The following LHFPL3 variants were observed in gnomAD, a reference collection of about 807,000 sequenced individuals.
LHFPL3 encodes the protein LHFPL tetraspan subfamily member 3, also known as LHFPL tetraspan subfamily member 3 protein.
In LHFPL3, 5 loss-of-function variants were observed where a neutral mutation model predicts 19.3. The observed-to-expected ratio is 0.26, with a 90% CI of 0.14 to 0.54. LHFPL3 has a LOEUF of 0.54. Ranked by LOEUF, LHFPL3 falls within the 20% of genes least tolerant of loss-of-function variation. The pLI is 0.94. For synonymous variants in LHFPL3, 133 were observed against 126.2 expected, an observed-to-expected ratio of 1.05 and a Z score of -0.36; for missense variants, 249 against 307.4, an observed-to-expected ratio of 0.81 and a Z score of 1.42.
chr7:104,792,479 G>A (rs1220434085), intron 2 of LHFPL3, among the ~76,000 whole-genome samples: 2 of 152,150 alleles, frequency 1.3e-5, no homozygotes, highest in Non-Finnish European at 2.9e-5. Flanking sequence ...TACCATCCAT[G>A]ACTAAATAGC....
At chr7:104,561,529 G>T (rs370842425) in intron 1 of LHFPL3, among the ~76,000 whole-genome samples, 10 of 151,022 alleles carry the variant, frequency 6.6e-5, no homozygotes, top group East Asian at 5.8e-4. Flanking sequence ...GTTTTCCATT[G>T]GCTTGGTAGA....
intron 1 of LHFPL3, among the ~76,000 whole-genome samples, chr7:104,429,305 T>A (rs1791906686): frequency 7.1e-6 from 1 of 141,000 alleles, no homozygotes; most frequent in South Asian, 2.3e-4. Context: ...TCATTCCTTT[T>A]TTTTTTTTTT....
At chr7:104,881,452 G>C (rs886940953) in intron 2 of LHFPL3, among the ~76,000 whole-genome samples, 1 of 152,218 alleles carries the variant, frequency 6.6e-6, no homozygotes, top group South Asian at 2.1e-4. Context: ...CGTGGAGGAA[G>C]TAATGCAGAT....
At chr7:104,460,241 A>G (rs904561636) in intron 1 of LHFPL3, among the ~76,000 whole-genome samples, 5 of 152,194 alleles carry the variant, frequency 3.3e-5, no homozygotes, top group East Asian at 1.9e-4. Context: ...TTCTTTATCC[A>G]TATGACCGTT....
chr7:104,845,492 G>A (rs1584572152), intron 2 of LHFPL3: 6 of 1,509,032 alleles, frequency 4.0e-6, no homozygotes, highest in African/African-American at 1.4e-5. Flanking sequence ...TTCTGTTCCC[G>A]CATGTTTTCT....
intron 2 of LHFPL3, among the ~76,000 whole-genome samples, chr7:104,882,952 T>C (rs937407633): frequency 2.0e-5 from 3 of 152,194 alleles, no homozygotes; most frequent in Non-Finnish European, 2.9e-5. Flanking sequence ...TGTAGAACTT[T>C]CAGTGCTAAA....
intron 1 of LHFPL3, among the ~76,000 whole-genome samples, chr7:104,532,622 TTCCTACACCTCATTAC>T (rs1794323071): frequency 6.6e-6 from 1 of 152,178 alleles, no homozygotes; most frequent in African/African-American, 2.4e-5. Flanking sequence ...GTACCCCATC[TTCCTACACCTCATTAC>T]TCTCTGTGGA....
chr7:104,836,993 A>G (rs999830801), intron 2 of LHFPL3, among the ~76,000 whole-genome samples: 1 of 152,208 alleles, frequency 6.6e-6, no homozygotes, highest in Non-Finnish European at 1.5e-5. Context: ...CTAATATTTC[A>G]TGGTGATGAA....
At chr7:104,524,421 A>G (rs1794143472) in intron 1 of LHFPL3, among the ~76,000 whole-genome samples, 1 of 152,164 alleles carries the variant, frequency 6.6e-6, no homozygotes, top group African/African-American at 2.4e-5. Context: ...TCCTAATTTT[A>G]TGGGGGCCAG....
At chr7:104,582,033 G>A (rs1022790657) in intron 1 of LHFPL3, among the ~76,000 whole-genome samples, 2 of 151,838 alleles carry the variant, frequency 1.3e-5, no homozygotes, top group Non-Finnish European at 2.9e-5. Flanking sequence ...ATTATTATTA[G>A]CATTGGATTG....
At chr7:104,419,971 C>CAAACA in intron 1 of LHFPL3, among the ~76,000 whole-genome samples, 1 of 151,550 alleles carries the variant, frequency 6.6e-6, no homozygotes, top group East Asian at 2.0e-4. Context: ...AACAAACAAA[C>CAAACA]AACAACAACA....
At chr7:104,485,990 T>C (rs1793228100) in intron 1 of LHFPL3, among the ~76,000 whole-genome samples, 1 of 152,240 alleles carries the variant, frequency 6.6e-6, no homozygotes, top group Non-Finnish European at 1.5e-5. Context: ...TCTTCAGTAA[T>C]CCTTTCAGGG....
chr7:104,586,389 TATC>T (rs1373135712), intron 1 of LHFPL3, among the ~76,000 whole-genome samples: 1 of 152,118 alleles, frequency 6.6e-6, no homozygotes, highest in Non-Finnish European at 1.5e-5. Flanking sequence ...TTCTCCCTGA[TATC>T]ATCTGTGTGC....
chr7:104,670,169 T>G (rs1159129654), intron 1 of LHFPL3, among the ~76,000 whole-genome samples: 4 of 146,346 alleles, frequency 2.7e-5, no homozygotes, highest in African/African-American at 5.1e-5. Flanking sequence ...CCCAAGGGGG[T>G]TAGTTGGGAG....
intron 1 of LHFPL3, among the ~76,000 whole-genome samples, chr7:104,344,687 G>C (rs1486699811): frequency 6.6e-6 from 1 of 152,118 alleles, no homozygotes. Context: ...ACTTAGGTTG[G>C]TTCCATAGCT....
At chr7:104,342,187 T>C (rs1789970929) in intron 1 of LHFPL3, among the ~76,000 whole-genome samples, 1 of 151,900 alleles carries the variant, frequency 6.6e-6, no homozygotes. Context: ...CACTGGATAA[T>C]TCAAAAGAAA....
At chr7:104,499,651 G>A (rs1184711844) in intron 1 of LHFPL3, among the ~76,000 whole-genome samples, 1 of 152,156 alleles carries the variant, frequency 6.6e-6, no homozygotes, top group South Asian at 2.1e-4. Context: ...CCTCCCCAAA[G>A]AGACCTAGTG....
chr7:104,868,845 C>T (rs958425606), intron 2 of LHFPL3, among the ~76,000 whole-genome samples: 2 of 152,146 alleles, frequency 1.3e-5, no homozygotes, highest in Non-Finnish European at 2.9e-5. Context: ...GCTACAGTAA[C>T]CAAAACAGCA....
At chr7:104,426,844 A>G (rs938415720) in intron 1 of LHFPL3, among the ~76,000 whole-genome samples, 2 of 152,172 alleles carry the variant, frequency 1.3e-5, no homozygotes, top group African/African-American at 4.8e-5. Flanking sequence ...CTGCTTTATA[A>G]TTGTCAACTG....
Sources: gnomAD v4.1 joint callset for allele counts (sites outside exome capture counted in the v4.1 genomes callset) on GRCh38, gnomAD v4.1.1 for gene constraint, MANE v1.5 for transcripts, NCBI Gene and HGNC (gene_info 2026-07-23, HGNC 2026-07-21) for gene names.